PM20D2: variants seen among roughly 807,000 people sequenced by gnomAD.
PM20D2 encodes xaa-Arg dipeptidase.
Under a neutral mutation model 42.9 loss-of-function variants are expected in PM20D2, and 33 were observed. That is an observed-to-expected ratio of 0.77 (90% confidence interval 0.58 to 1.03). PM20D2 has a LOEUF of 1.03. Ranked by LOEUF, PM20D2 falls within the 50% of genes least tolerant of loss-of-function variation. The pLI is 0.00. For missense variants in PM20D2, 548 were observed against 557.0 expected (o/e 0.98, Z 0.16); for synonymous variants, 250 against 228.2 (o/e 1.10, Z -0.86).
the PM20D2 span, among the ~76,000 whole-genome samples, chr6:89,129,282 C>G: frequency 1.3e-5 from 2 of 152,042 alleles, no homozygotes; most frequent in Admixed American, 6.6e-5. Flanking sequence ...CAATAGCATT[C>G]TACACAGAAT....
intron 1 of PM20D2, among the ~76,000 whole-genome samples, chr6:89,147,490 C>T (rs1445228530): frequency 1.3e-5 from 2 of 151,950 alleles, no homozygotes; most frequent in African/African-American, 4.8e-5. Context: ...TCTGGAGGCT[C>T]GTTTTTGCAT....
rs1770743212 is a variant in PM20D2, at chr6:89,149,261, C to T, written c.466-4C>T. On this transcript the variant is annotated splice_region_variant and splice_polypyrimidine_tract_variant and intron_variant, in intron 1 of 6. Coordinates refer to ENST00000275072, the MANE Select transcript of PM20D2 (RefSeq NM_001010853.3). ...TTTTCCCTGACATGAGTATTTCCTT[C>T]TAGGTAGTTGTCCTGGGAACCCCTG... 1.2e-6 allele frequency: 2 copies of T among 1,612,858 alleles called. No homozygotes were observed. The highest frequency in any genetic ancestry group is 1.3e-5 in the African/African-American group (1 of 74,842).
chr6:89,150,469 A>G (rs1003585113), intron 2 of PM20D2, among the ~76,000 whole-genome samples: 16 of 150,084 alleles, frequency 1.1e-4, no homozygotes, highest in Middle Eastern at 3.5e-3. Context: ...TTCTGAAGTC[A>G]GCGCACTTGA....
chr6:89,149,337 A>G lies in PM20D2; in HGVS notation c.538A>G (p.Thr180Ala). ...KIDLIEAGAF[T>A]NLDVVFMAHP... is the part of the protein sequence containing the mutation. The stretch of plus-strand genomic sequence containing the variant: ...TGATTTAATTGAAGCAGGGGCTTTT[A>G]CAAATCTTGATGTTGTTTTTATGGC... The change falls in exon 2 of 7, where the codon ACA becomes GCA. Residue 180 changes from threonine (T) to alanine (A), a missense_variant. Physicochemically the swap from Thr to Ala is moderately conservative, Grantham distance 58. Around this residue, in one of 3 missense-constraint regions of PM20D2, gnomAD observed 470 missense variants for 464.4 expected, o/e 1.01. Coordinates refer to ENST00000275072, the MANE Select transcript of PM20D2 (RefSeq NM_001010853.3). 1.2e-6 allele frequency: 2 copies of G among 1,614,100 alleles called. No homozygotes were observed. Among genetic ancestry groups the G allele is most frequent in the Non-Finnish European group, 1.7e-6 (2 of 1,179,974 alleles).
chr6:89,138,422 A>G, the PM20D2 span, among the ~76,000 whole-genome samples: 2 of 152,210 alleles, frequency 1.3e-5, no homozygotes. Context: ...TAGACAATGA[A>G]GAAAGTATTT....
At position 89,153,081 on chromosome 6, in the gene PM20D2, C is replaced by T; in HGVS notation, c.653C>T (p.Ala218Val). Residue 218 changes from alanine (A) to valine (V), a missense_variant, in exon 3 of 7, where the codon GCT becomes GTT. This residue lies in a region of PM20D2 where 470 missense variants were observed against 464.4 expected (regional missense o/e 1.01). Coordinates refer to ENST00000275072, the MANE Select transcript of PM20D2 (RefSeq NM_001010853.3). Reference sequence around the variant, plus strand: ...TACTATGGAAAAGCATCTCATTCTGCTTCTTATCCCTGGGAAGGATTAAAT... The same window carrying T: ...TACTATGGAAAAGCATCTCATTCTGTTTCTTATCCCTGGGAAGGATTAAAT... ...VKYYGKASHS[A>V]SYPWEGLNAL... The T allele has an allele frequency of 1.2e-6, 2 of 1,606,978 alleles. No individual in the cohort carries two copies. Among genetic ancestry groups the T allele is most frequent in the South Asian group, 2.2e-5 (2 of 90,498 alleles).
At chr6:89,106,360 G>A in the PM20D2 span, among the ~76,000 whole-genome samples, 2,325 of 152,154 alleles carry the variant, frequency 0.015, 59 homozygotes, top group African/African-American at 0.051. Flanking sequence ...TGATCCACCC[G>A]CCTCAGCCTC....
At chr6:89,109,758 A>T in the PM20D2 span, among the ~76,000 whole-genome samples, 276 of 152,322 alleles carry the variant, frequency 1.8e-3, no homozygotes, top group Non-Finnish European at 3.5e-3. Context: ...ATATTCAAAA[A>T]AGTACAGAGA....
At chr6:89,153,347 T>C (rs997733027) in intron 3 of PM20D2, among the ~76,000 whole-genome samples, 162 bp downstream of exon 3, 1 of 152,192 alleles carries the variant, frequency 6.6e-6, no homozygotes, top group African/African-American at 2.4e-5. Flanking sequence ...GACAGGATAC[T>C]AAGATGTTTG....
In PM20D2 at chr6:89,146,229, G is replaced by A; in HGVS notation, c.85G>A (p.Glu29Lys). The stretch of plus-strand genomic sequence containing the variant: ...GGAGCTACTGAAGCTGCGCTCGGCG[G>A]AGTGCATCGACGAGGCGGCCGAGCG... The part of the protein sequence containing the change: ...ELELLKLRSA[E>K]CIDEAAERLG... The change falls in exon 1 of 7, where the codon GAG becomes AAG. Residue 29 changes from glutamate to lysine, a missense_variant. Glu to Lys is a moderately conservative substitution (Grantham distance 56). This residue lies in a region of PM20D2 where 470 missense variants were observed against 464.4 expected (regional missense o/e 1.01). Coordinates refer to ENST00000275072, the MANE Select transcript of PM20D2 (RefSeq NM_001010853.3). The A allele has an allele frequency of 1.3e-6, 2 of 1,579,532 alleles. No homozygotes were observed. Among genetic ancestry groups the A allele is most frequent in the South Asian group, 1.1e-5 (1 of 88,394 alleles).
chr6:89,128,233 C>A, the PM20D2 span, among the ~76,000 whole-genome samples: 1 of 151,966 alleles, frequency 6.6e-6, no homozygotes, highest in African/African-American at 2.4e-5. Flanking sequence ...ATATTAATAC[C>A]CTTGGAAAGG....
chr6:89,133,461 G>T, the PM20D2 span, among the ~76,000 whole-genome samples: 144 of 150,942 alleles, frequency 9.5e-4, 7 homozygotes, highest in African/African-American at 3.4e-3. Context: ...TCTCAGCAGG[G>T]TTGGGCCCTG....
At chr6:89,130,071 AC>A in the PM20D2 span, among the ~76,000 whole-genome samples, 21 of 137,840 alleles carry the variant, frequency 1.5e-4, no homozygotes, top group Non-Finnish European at 2.9e-4. Context: ...AGTATACAAC[AC>A]TTTTTTTGTT....
chr6:89,161,190 A>T (rs1451711037), intron 5 of PM20D2, among the ~76,000 whole-genome samples: 1 of 152,142 alleles, frequency 6.6e-6, no homozygotes, highest in African/African-American at 2.4e-5. Flanking sequence ...TTGACTTTAG[A>T]TATGTTAAGT....
In PM20D2 at chr6:89,163,376, C is replaced by T. The variant is rs1460218274; in HGVS notation, c.*1113C>T. ...TTTTTTTACATAATAGAGACAGGGG[C>T]TCGCTGTAGCTTCCAGGCTGGCCTC... On this transcript the variant is annotated 3_prime_UTR_variant, in exon 7 of 7. Coordinates refer to ENST00000275072, the MANE Select transcript of PM20D2 (RefSeq NM_001010853.3). 1 of 152,124 alleles carries T rather than the reference C, an allele frequency of 6.6e-6. No individual in the cohort carries two copies. The highest frequency in any genetic ancestry group is 6.5e-5 in the Admixed American group (1 of 15,272). The allele number at this position is 152,124 out of a possible 1,614,324, so 9.4% of individuals were successfully genotyped here. A position where few individuals can be genotyped will look rare whatever the true frequency, so the allele number is the denominator to read the frequency against.
rs1322707844 is a variant in PM20D2 at position 89,150,276 on chromosome 6, G to A, written c.614+863G>A. The stretch of plus-strand genomic sequence containing the variant: ...CTTCTTATCACTGGAAATTGGTACT[G>A]TGGCAGTAGGAGGAATCTTTGAACT... On this transcript the variant is annotated intron_variant, in intron 2 of 6. Transcript: ENST00000275072. 2.0e-5 allele frequency among the ~76,000 whole-genome samples: 3 copies of A among 152,172 alleles called. No individual in the cohort carries two copies. In the East Asian group the frequency reaches 5.8e-4, roughly 29 times the overall value.
chr6:89,128,694 C>G, the PM20D2 span, among the ~76,000 whole-genome samples: 1 of 152,186 alleles, frequency 6.6e-6, no homozygotes, highest in South Asian at 2.1e-4. Context: ...GTTTGAGGCT[C>G]AGGTGGGCAT....
the PM20D2 span, among the ~76,000 whole-genome samples, chr6:89,114,828 G>A: frequency 2.6e-5 from 4 of 151,898 alleles, no homozygotes; most frequent in African/African-American, 4.8e-5. Flanking sequence ...ACAGAGTCTC[G>A]CCCTGTCGCC....
chr6:89,127,808 A>T, the PM20D2 span, among the ~76,000 whole-genome samples: 2 of 152,154 alleles, frequency 1.3e-5, no homozygotes, highest in Non-Finnish European at 2.9e-5. Flanking sequence ...GAAGTCAGGG[A>T]CCCCCAAATG....
Sources: gnomAD v4.1 joint callset for allele counts (sites outside exome capture counted in the v4.1 genomes callset) on GRCh38, gnomAD v4.1.1 for gene constraint, gnomAD v4.1.1 regional missense constraint, MANE v1.5 for transcripts, NCBI Gene and HGNC (gene_info 2026-07-23, HGNC 2026-07-21) for gene names.